ASIC2: variants seen among roughly 807,000 people sequenced by gnomAD.
ASIC2 encodes acid-sensing ion channel 2.
In ASIC2, 25 loss-of-function variants were observed where a neutral mutation model predicts 57.3. The ratio of observed to expected loss-of-function variants is 0.44; its 90% confidence interval spans 0.32 to 0.61. ASIC2 has a LOEUF of 0.61. Among genes scored for constraint, ASIC2 ranks in the 20% least tolerant of loss-of-function variants. The pLI is 0.06. For synonymous variants in ASIC2, 319 were observed against 307.5 expected (o/e 1.04, Z -0.39); for missense variants, 641 against 738.1 (o/e 0.87, Z 1.52).
In ASIC2 at chr17:33,292,178, T is replaced by TCCGCAGCAG; in HGVS notation, c.-72_-64dup. On this transcript the variant is annotated 5_prime_UTR_variant, in exon 1 of 10. Coordinates refer to ENST00000225823, the MANE Select transcript of ASIC2 (RefSeq NM_183377.2). Reference sequence around the variant, plus strand: ...CGGCCGGGCGGAGCCGCCATGGGAGTCCGCAGCAGCAGTGGAAGCAGCAGC... The same window carrying TCCGCAGCAG: ...CGGCCGGGCGGAGCCGCCATGGGAGTCCGCAGCAGCCGCAGCAGCAGTGGAAGCAGCAGC... 2 of 1,012,902 alleles carry TCCGCAGCAG rather than the reference T, an allele frequency of 2.0e-6. No individual in the cohort carries two copies. The highest frequency in any genetic ancestry group is 3.5e-5 in the African/African-American group (2 of 56,932). The allele number at this position is 1,012,902 out of a possible 1,614,324, so 62.7% of individuals were successfully genotyped here.
In ASIC2 at chr17:33,025,934, G is replaced by A; in HGVS notation, c.1187C>T (p.Pro396Leu). 6.2e-7 allele frequency: 1 copy of A among 1,613,130 alleles called. No homozygotes were observed. Among genetic ancestry groups the A allele is most frequent in the Non-Finnish European group, 8.5e-7 (1 of 1,179,594 alleles). The change falls in exon 5 of 10, where the codon CCT (proline) becomes CTT (leucine). Residue 396 changes from proline to leucine, a missense_variant. By Grantham distance (98) the Pro-to-Leu change is moderately conservative. Around this residue, in one of 3 missense-constraint regions of ASIC2, gnomAD observed 252 missense variants for 319.8 expected, o/e 0.79. Coordinates refer to ENST00000225823, the MANE Select transcript of ASIC2 (RefSeq NM_183377.2). ...TPEQHKECAE[P>L]ALGLLAEKDS... is the part of the protein sequence containing the mutation. ...GTCCCCTGAGTACTGACCTAGGGCA[G>A]GCTCTGCACACTCCTTGTGCTGCTC...
chr17:33,476,499 G>GTC (rs1318929070), intron 1 of ASIC2, among the ~76,000 whole-genome samples: 3 of 77,744 alleles, frequency 3.9e-5, no homozygotes, highest in Non-Finnish European at 7.4e-5. Context: ...CAAAGTGTGT[G>GTC]TGTGCATATA....
chr17:33,200,770 G>A (rs546534167), intron 1 of ASIC2, among the ~76,000 whole-genome samples: 3 of 152,292 alleles, frequency 2.0e-5, no homozygotes, highest in South Asian at 4.2e-4. Context: ...AGCAGTCAGA[G>A]TGATCCTGTG....
chr17:33,096,756 G>A (rs1189374531), intron 2 of ASIC2, among the ~76,000 whole-genome samples: 1 of 152,194 alleles, frequency 6.6e-6, no homozygotes, highest in Non-Finnish European at 1.5e-5. Flanking sequence ...TCAAGGTGAG[G>A]GTGTTTGTGT....
At chr17:33,497,622 C>T (rs532953377) in intron 1 of ASIC2, among the ~76,000 whole-genome samples, 1 of 152,280 alleles carries the variant, frequency 6.6e-6, no homozygotes, top group East Asian at 1.9e-4. Context: ...GAGGATCCTG[C>T]CCCCACTAGG....
chr17:33,593,484 A>T (rs1343262827), intron 1 of ASIC2, among the ~76,000 whole-genome samples: 4 of 152,208 alleles, frequency 2.6e-5, no homozygotes, highest in Non-Finnish European at 5.9e-5. Context: ...AGGTTGCAGC[A>T]TGCAGTGGCT....
At chr17:34,146,461 G>A (rs986665556) in intron 1 of ASIC2, among the ~76,000 whole-genome samples, 15 of 152,236 alleles carry the variant, frequency 9.9e-5, no homozygotes, top group African/African-American at 3.1e-4. Context: ...GCCTAGAAGC[G>A]GGAAGGGGAA....
intron 1 of ASIC2, among the ~76,000 whole-genome samples, chr17:33,301,130 G>A (rs1393401833): frequency 6.6e-6 from 1 of 151,996 alleles, no homozygotes; most frequent in African/African-American, 2.4e-5. Flanking sequence ...CCTCAGTTCA[G>A]GAGATCCTCA....
intron 1 of ASIC2, among the ~76,000 whole-genome samples, chr17:34,015,908 A>G (rs1425018639): frequency 6.6e-6 from 1 of 152,200 alleles, no homozygotes; most frequent in East Asian, 1.9e-4. Flanking sequence ...TGACCAACTC[A>G]CGTGCCTACC....
chr17:33,528,784 C>T (rs1914964897), intron 1 of ASIC2, among the ~76,000 whole-genome samples: 1 of 152,224 alleles, frequency 6.6e-6, no homozygotes, highest in Non-Finnish European at 1.5e-5. Context: ...TTTGCTGCTG[C>T]TTTTCCCCTG....
At chr17:33,655,963 G>T (rs1907062400) in intron 1 of ASIC2, among the ~76,000 whole-genome samples, 1 of 151,968 alleles carries the variant, frequency 6.6e-6, no homozygotes, top group East Asian at 1.9e-4. Flanking sequence ...AGTTTTGGGG[G>T]GATAGTATTA....
chr17:33,053,466 A>T (rs2091985673), intron 3 of ASIC2, among the ~76,000 whole-genome samples: 2 of 152,284 alleles, frequency 1.3e-5, no homozygotes, highest in South Asian at 4.1e-4. Flanking sequence ...CTTAGCCTCC[A>T]CTGGAGGTGT....
intron 1 of ASIC2, among the ~76,000 whole-genome samples, chr17:33,747,597 A>C (rs1258660849): frequency 6.6e-6 from 1 of 152,162 alleles, no homozygotes; most frequent in Non-Finnish European, 1.5e-5. Flanking sequence ...GTTGAGATGA[A>C]GATCATGCTA....
At chr17:33,967,649 C>A (rs879290323) in intron 1 of ASIC2, among the ~76,000 whole-genome samples, 29 of 152,192 alleles carry the variant, frequency 1.9e-4, no homozygotes, top group Non-Finnish European at 1.2e-4. Context: ...CATGAAATTC[C>A]ATCTTAATCT....
intron 1 of ASIC2, among the ~76,000 whole-genome samples, chr17:33,809,818 T>C (rs369196877): frequency 8.5e-4 from 130 of 152,352 alleles, no homozygotes; most frequent in African/African-American, 3.0e-3. Context: ...CTCTCCATCC[T>C]GCAAAGTTGA....
chr17:33,074,959 G>T (rs568211144), intron 3 of ASIC2, among the ~76,000 whole-genome samples: 4 of 152,260 alleles, frequency 2.6e-5, no homozygotes, highest in African/African-American at 9.6e-5. Context: ...CTCATGACAG[G>T]TCTGATATCA....
rs371758688 is a variant in ASIC2 at position 33,809,417 on chromosome 17, C to T, written c.555+346561G>A. On this transcript the variant is annotated intron_variant, in intron 1 of 9. Coordinates refer to the ASIC2 transcript ENST00000359872. ...TCATAGGCATTTCATGCACACACCT[C>T]TGAGTGCCAATACCTGAAACTTGCC... Among the ~76,000 whole-genome samples the T allele has an allele frequency of 3.9e-4, 60 of 152,332 alleles. 1 individual carries two copies. Among genetic ancestry groups the T allele is most frequent in the African/African-American group, 1.4e-3 (57 of 41,576 alleles).
intron 1 of ASIC2, among the ~76,000 whole-genome samples, chr17:33,631,529 G>A (rs1215840072): frequency 6.6e-6 from 1 of 152,090 alleles, no homozygotes; most frequent in East Asian, 1.9e-4. Flanking sequence ...TTCCTCATCA[G>A]TAAAATGGGG....
chr17:33,238,616 T>C (rs577493226), intron 1 of ASIC2, among the ~76,000 whole-genome samples: 1 of 152,346 alleles, frequency 6.6e-6, no homozygotes, highest in African/African-American at 2.4e-5. Context: ...TCCCTGTTGT[T>C]GCTGAACACA....
Sources: gnomAD v4.1 joint callset for allele counts (sites outside exome capture counted in the v4.1 genomes callset) on GRCh38, gnomAD v4.1.1 for gene constraint, gnomAD v4.1.1 regional missense constraint, MANE v1.5 for transcripts, NCBI Gene and HGNC (gene_info 2026-07-23, HGNC 2026-07-21) for gene names.